The following SLC7A2 variants were observed in gnomAD, a reference collection of about 807,000 sequenced individuals.
The protein encoded by SLC7A2 is cationic amino acid transporter 2.
In SLC7A2, 48 loss-of-function variants were observed where a neutral mutation model predicts 58.9. That is an observed-to-expected ratio of 0.82 (90% confidence interval 0.65 to 1.04). SLC7A2 has a LOEUF of 1.04. Ranked by LOEUF, SLC7A2 falls within the 50% of genes least tolerant of loss-of-function variation. The pLI is 0.00. For synonymous variants in SLC7A2, 363 were observed against 314.5 expected (o/e 1.15, Z -1.63); for missense variants, 1,029 against 818.8 (o/e 1.26, Z -3.13).
chr8:17,550,520 A>C, intron 6 of SLC7A2, 86 bp downstream of exon 6: 1 of 1,307,994 alleles, frequency 7.6e-7, no homozygotes, highest in Non-Finnish European at 1.0e-6. Context: ...GGTCCAGGAA[A>C]GAGAGAGGGA....
At chr8:17,524,746 T>A (rs1483175659) in intron 2 of SLC7A2, among the ~76,000 whole-genome samples, 2 of 151,882 alleles carry the variant, frequency 1.3e-5, no homozygotes, top group African/African-American at 4.8e-5. Context: ...AAATCACCGC[T>A]GAAGAACTTA....
At chr8:17,530,179 C>G (rs1051644471) in intron 2 of SLC7A2, among the ~76,000 whole-genome samples, 1 of 152,142 alleles carries the variant, frequency 6.6e-6, no homozygotes, top group Admixed American at 6.6e-5. Flanking sequence ...ACGTTCCCCC[C>G]TGCCCCCCAT....
At position 17,543,575 on chromosome 8, in the gene SLC7A2, C is replaced by T; in HGVS notation, c.236C>T (p.Ser79Leu). 6.2e-7 allele frequency: 1 copy of T among 1,611,100 alleles called. No individual in the cohort carries two copies. The highest frequency in any genetic ancestry group is 8.5e-7 in the Non-Finnish European group (1 of 1,178,582). ...TCCTTCCTCATTGCTGCCCTGGCTT[C>T]AGTGATGGCTGGCCTCTGCTATGCC... The part of the protein sequence containing the change: ...VVSFLIAALA[S>L]VMAGLCYAEF... The change falls in exon 3 of 13, where the codon TCA becomes TTA. Residue 79 changes from serine to leucine, a missense_variant. Ser to Leu is a moderately radical substitution (Grantham distance 145). Coordinates refer to ENST00000494857, the MANE Select transcript of SLC7A2 (RefSeq NM_001370338.1).
chr8:17,553,290 A>G (rs1244046892), intron 7 of SLC7A2, among the ~76,000 whole-genome samples: 1 of 152,112 alleles, frequency 6.6e-6, no homozygotes, highest in Non-Finnish European at 1.5e-5. Flanking sequence ...GGCTCAAGCT[A>G]TCCTCTCACC....
In SLC7A2 at chr8:17,543,468, C is replaced by A. The variant is rs372680844; in HGVS notation, c.129C>A (p.Gly43=). ...CLSTMDLIAL[G]VGSTLGAGVY... ...CCACCATGGACCTCATTGCCCTGGG[C>A]GTTGGAAGCACCCTTGGGGCCGGGG... Residue 43 remains glycine, a synonymous_variant, in exon 3 of 13, where the codon GGC becomes GGA. Transcript: ENST00000494857. 31 of 1,614,096 alleles carry A rather than the reference C, an allele frequency of 1.9e-5. No homozygotes were observed. The highest frequency in any genetic ancestry group is 2.5e-5 in the Non-Finnish European group (29 of 1,180,026).
chr8:17,507,687 GA>G (rs1388547107), intron 2 of SLC7A2, among the ~76,000 whole-genome samples: 2 of 151,886 alleles, frequency 1.3e-5, no homozygotes, highest in Non-Finnish European at 2.9e-5. Context: ...AGTGAAAAAA[GA>G]AAAAATACAA....
rs73666184 is a variant in SLC7A2 at position 17,551,998 on chromosome 8, C to T, written c.1055+12C>T. Reference sequence around the variant, plus strand: ...GCCTTGTCAACAAGGTACATTGCATCGCCTTTGGGGCACGGGCTGTTTGGG... The same window carrying T: ...GCCTTGTCAACAAGGTACATTGCATTGCCTTTGGGGCACGGGCTGTTTGGG... On this transcript the variant is annotated intron_variant, in intron 7 of 12. Coordinates refer to ENST00000494857, the MANE Select transcript of SLC7A2 (RefSeq NM_001370338.1). 5.4e-4 allele frequency: 873 copies of T among 1,611,010 alleles called. 6 individuals are homozygous for T. In the African/African-American group the frequency reaches 0.011, roughly 20 times the overall value.
chr8:17,564,871 A>T, intron 12 of SLC7A2, 79 bp from the exon 13 acceptor site: 2 of 1,183,196 alleles, frequency 1.7e-6, no homozygotes, highest in African/African-American at 1.5e-5. Flanking sequence ...ATTAAGTTCT[A>T]CATTTTCCAC....
intron 2 of SLC7A2, among the ~76,000 whole-genome samples, chr8:17,514,747 A>G (rs1800735351): frequency 1.3e-5 from 2 of 152,222 alleles, no homozygotes; most frequent in South Asian, 2.1e-4. Flanking sequence ...TCCTAAGCAG[A>G]TTCTACTTGT....
Position 17,561,993 on chromosome 8 carries a change from C to T in SLC7A2, c.1554C>T (p.Ala518=), listed in dbSNP as rs766348039. ...TCTTGACCACTTACGGAGTTCATGC[C>T]ATCACCAGGCTGGAGGCCTGGAGCC... is the stretch of plus-strand genomic sequence containing the variant. ...LSVLTTYGVH[A]ITRLEAWSLA... The change falls in exon 11 of 13, where the codon GCC becomes GCT. Residue 518 remains alanine (A), a synonymous_variant. Transcript: ENST00000494857. 32 of 1,613,966 alleles carry T rather than the reference C, an allele frequency of 2.0e-5. No individual in the cohort carries two copies. In the Admixed American group the frequency reaches 5.2e-4, roughly 26 times the overall value.
intron 2 of SLC7A2, among the ~76,000 whole-genome samples, chr8:17,512,583 A>T (rs1203957535): frequency 6.6e-6 from 1 of 150,990 alleles, no homozygotes; most frequent in African/African-American, 2.4e-5. Context: ...AGTGGAGTGG[A>T]GTGAAAAATA....
rs751247329 is a variant in SLC7A2, at chr8:17,543,333, C to A, written c.-7C>A. 1 of 1,607,732 alleles carries A rather than the reference C, an allele frequency of 6.2e-7. No individual in the cohort carries two copies. Among genetic ancestry groups the A allele is most frequent in the South Asian group, 1.1e-5 (1 of 90,000 alleles). Reference sequence around the variant, plus strand: ...TTCTGCTCAGGTCGCCTTCGTCAGACGTCAGAATGATTCCTTGCAGAGCCG... The same window carrying A: ...TTCTGCTCAGGTCGCCTTCGTCAGAAGTCAGAATGATTCCTTGCAGAGCCG... On this transcript the variant is annotated 5_prime_UTR_variant, in exon 3 of 13. Coordinates refer to ENST00000494857, the MANE Select transcript of SLC7A2 (RefSeq NM_001370338.1).
At chr8:17,502,491 A>T (rs1210547827) in intron 2 of SLC7A2, among the ~76,000 whole-genome samples, 189 bp downstream of exon 2, 1 of 152,208 alleles carries the variant, frequency 6.6e-6, no homozygotes, top group Non-Finnish European at 1.5e-5. Flanking sequence ...ATTTTAAAAG[A>T]ATCTTTACTG....
At chr8:17,504,269 G>A (rs369944213) in intron 2 of SLC7A2, among the ~76,000 whole-genome samples, 122 of 152,316 alleles carry the variant, frequency 8.0e-4, no homozygotes, top group African/African-American at 2.8e-3. Flanking sequence ...CAAGTGCTTA[G>A]TGAGATTGAG....
At chr8:17,509,993 G>A (rs1413417304) in intron 2 of SLC7A2, among the ~76,000 whole-genome samples, 2 of 152,094 alleles carry the variant, frequency 1.3e-5, no homozygotes, top group East Asian at 3.9e-4. Context: ...GCCAAGGCAG[G>A]TGGATCACTT....
intron 2 of SLC7A2, chr8:17,510,723 C>A (rs1276881987): frequency 6.6e-6 from 1 of 152,146 alleles, no homozygotes; most frequent in Non-Finnish European, 1.5e-5. Context: ...AAATGAAATA[C>A]CATTTGGCCC....
Position 17,567,717 on chromosome 8 carries a change from T to C in SLC7A2, c.*2571T>C, listed in dbSNP as rs530697979. 7 of 152,442 alleles carry C rather than the reference T, an allele frequency of 4.6e-5. No homozygotes were observed. In the South Asian group the frequency reaches 1.4e-3, roughly 32 times the overall value. 9.4% of individuals were successfully genotyped at this position (152,442 alleles called of 1,614,324 possible). ...TGTTGATAGATATGCTTATACCTAA[T>C]TTTTAGTTTTTAAACTATTTTAAAA... is the stretch of plus-strand genomic sequence containing the variant. On this transcript the variant is annotated 3_prime_UTR_variant, in exon 13 of 13. Transcript: ENST00000494857.
chr8:17,561,798 G>C lies in SLC7A2; in HGVS notation c.1505-146G>C, dbSNP rs1585272212. The C allele has an allele frequency of 4.2e-6, 3 of 712,510 alleles. No homozygotes were observed. In the East Asian group the frequency reaches 7.6e-5, roughly 18 times the overall value. 44.1% of individuals were successfully genotyped at this position (712,510 alleles called of 1,614,324 possible). ...GGACATCTCTCTCCTCAATGAAAAA[G>C]AAGAAAGGGCAAGGCGAAGACTCTT... On this transcript the variant is annotated intron_variant, in intron 10 of 12. Coordinates refer to ENST00000494857, the MANE Select transcript of SLC7A2 (RefSeq NM_001370338.1).
At chr8:17,549,318 G>C (rs1407351679) in intron 5 of SLC7A2, among the ~76,000 whole-genome samples, 1 of 152,176 alleles carries the variant, frequency 6.6e-6, no homozygotes. Context: ...TTGCTTCTGA[G>C]ACCCTTCTGA....
Sources: allele counts gnomAD v4.1 joint callset (sites outside exome capture counted in the v4.1 genomes callset), GRCh38; gene constraint gnomAD v4.1.1; transcripts MANE v1.5; gene names NCBI Gene and HGNC (gene_info 2026-07-23, HGNC 2026-07-21).